The following CCDC141 variants were observed in gnomAD, a reference collection of about 807,000 sequenced individuals.
CCDC141 encodes the protein coiled-coil domain-containing protein 141.
Under a neutral mutation model 181.0 loss-of-function variants are expected in CCDC141, and 168 were observed. The observed-to-expected ratio is 0.93, with a 90% CI of 0.82 to 1.05. CCDC141 has a LOEUF of 1.05. Among genes scored for constraint, CCDC141 ranks in the 50% least tolerant of loss-of-function variants. The pLI, the probability that CCDC141 is intolerant of heterozygous loss-of-function variation, is 0.00. For synonymous variants in CCDC141, 666 were observed against 642.3 expected, an observed-to-expected ratio of 1.04 and a Z score of -0.56; for missense variants, 1,902 against 1,788.5, an observed-to-expected ratio of 1.06 and a Z score of -1.14.
chr2:178,877,937 GTGT>G, intron 12 of CCDC141, 24 bp downstream of exon 12: 1 of 1,581,128 alleles, frequency 6.3e-7, no homozygotes, highest in South Asian at 1.1e-5. Flanking sequence ...CCTGCAGAAG[GTGT>G]GATCCATTTA....
intron 22 of CCDC141, among the ~76,000 whole-genome samples, chr2:178,839,756 C>T (rs956176734): frequency 1.3e-5 from 2 of 152,010 alleles, no homozygotes; most frequent in African/African-American, 4.8e-5. Context: ...AGTCTAAAAC[C>T]CAGATGTTCT....
chr2:178,981,636 G>GTGTATATATATATATATA lies in CCDC141; in HGVS notation c.226-2962_226-2961insTATATATATATATATACA, dbSNP rs1313433628. 3.2e-3 allele frequency among the ~76,000 whole-genome samples: 199 copies of GTGTATATATATATATATA among 62,350 alleles called. 6 individuals are homozygous for GTGTATATATATATATATA. The highest frequency in any genetic ancestry group is 0.019 in the Admixed American group (98 of 5,080). The allele number at this position is 62,350 out of a possible 152,430, so 40.9% of individuals were successfully genotyped here. On this transcript the variant is annotated intron_variant, in intron 2 of 23. Coordinates refer to ENST00000443758, the MANE Select transcript of CCDC141 (RefSeq NM_173648.4). ...TTTGTAGCATTGAATGTGTGTGTGT[G>GTGTATATATATATATATA]TATATATATATATATATATATACAT... is the stretch of plus-strand genomic sequence containing the variant.
At chr2:178,853,207 G>T (rs1466814621) in intron 20 of CCDC141, among the ~76,000 whole-genome samples, 1 of 152,178 alleles carries the variant, frequency 6.6e-6, no homozygotes, top group African/African-American at 2.4e-5. Flanking sequence ...AATAGAGAAG[G>T]AAGGCTTACA....
Position 178,888,635 on chromosome 2 carries a change from C to G in CCDC141, c.1299G>C (p.Gly433=), listed in dbSNP as rs1342442236. 3.2e-6 allele frequency: 5 copies of G among 1,550,722 alleles called. No individual in the cohort carries two copies. The highest frequency in any genetic ancestry group is 4.4e-6 in the Non-Finnish European group (5 of 1,146,842). ...GATGATCCACTCGTCTCTTAATGCA[C>G]CCCATCATCTCATGGATGCCGGACA... ...SQVSGIHEMM[G]CIKRRVDHLT... The change falls in exon 9 of 24, where the codon GGG becomes GGC. Residue 433 remains glycine, a synonymous_variant. Transcript: ENST00000443758.
At chr2:178,943,202 A>G (rs1689591489) in intron 6 of CCDC141, among the ~76,000 whole-genome samples, 1 of 152,190 alleles carries the variant, frequency 6.6e-6, no homozygotes, top group Non-Finnish European at 1.5e-5. Context: ...CTTGAGTTTG[A>G]TACAAACAGA....
chr2:178,965,342 T>C (rs749181205), intron 4 of CCDC141, among the ~76,000 whole-genome samples: 19 of 152,196 alleles, frequency 1.2e-4, no homozygotes, highest in Non-Finnish European at 2.8e-4. Context: ...GCAAGATAGC[T>C]GAATAGGAAC....
At chr2:179,035,888 A>G (rs1428204365) in intron 2 of CCDC141, among the ~76,000 whole-genome samples, 1 of 152,210 alleles carries the variant, frequency 6.6e-6, no homozygotes, top group Admixed American at 6.5e-5. Context: ...GAGACATTTC[A>G]AAGAATTAGT....
At chr2:179,048,868 C>T (rs534307715) in intron 1 of CCDC141, among the ~76,000 whole-genome samples, 2 of 152,312 alleles carry the variant, frequency 1.3e-5, no homozygotes, top group South Asian at 4.1e-4. Context: ...TGAATTTTCA[C>T]ATTACCATAA....
In CCDC141 at chr2:178,884,906, C is replaced by T; in HGVS notation, c.1714G>A (p.Glu572Lys). ...GTTAACACATAGTACCATACCTCCT[C>T]TGATGACTTCAGAAATGCCACGTAA... The part of the protein sequence containing the change: ...QTYVAFLKSS[E>K]EVEMQFQSLK... Residue 572 changes from glutamate (E) to lysine (K), a missense_variant, in exon 11 of 24, where the codon GAG (glutamate) becomes AAG (lysine). By Grantham distance (56) the Glu-to-Lys change is moderately conservative. Transcript: ENST00000443758. The T allele has an allele frequency of 6.5e-7, 1 of 1,550,248 alleles. No homozygotes were observed. Among genetic ancestry groups the T allele is most frequent in the African/African-American group, 1.4e-5 (1 of 73,176 alleles).
intron 2 of CCDC141, among the ~76,000 whole-genome samples, chr2:179,013,949 A>T (rs1358169567): frequency 8.4e-6 from 1 of 119,010 alleles, no homozygotes; most frequent in African/African-American, 3.2e-5. Flanking sequence ...CTACAGAGTG[A>T]GACTCCATCT....
chr2:178,947,190 G>A (rs1307464202), intron 5 of CCDC141, among the ~76,000 whole-genome samples: 1 of 152,170 alleles, frequency 6.6e-6, no homozygotes, highest in Non-Finnish European at 1.5e-5. Context: ...ATTGTGCCCA[G>A]CGAGTAGCTA....
intron 2 of CCDC141, among the ~76,000 whole-genome samples, chr2:179,014,368 T>C (rs1260030171): frequency 6.6e-6 from 1 of 152,112 alleles, no homozygotes; most frequent in East Asian, 1.9e-4. Flanking sequence ...TACGTAAGGA[T>C]TTCATGACCA....
chr2:178,837,631 C>A lies in CCDC141; in HGVS notation c.3588G>T (p.Leu1196=), dbSNP rs376616700. The change falls in exon 23 of 24, where the codon CTG becomes CTT. Residue 1196 remains leucine, a synonymous_variant. Coordinates refer to ENST00000443758, the MANE Select transcript of CCDC141 (RefSeq NM_173648.4). ...DKEGGVQDLL[L]PEDMLSGEEY... ...CTTCCCCTGAGAGCATGTCTTCAGGCAGGAGCAGGTCCTGGACGCCACCCT... is the reference window on the plus strand; with the variant it reads ...CTTCCCCTGAGAGCATGTCTTCAGGAAGGAGCAGGTCCTGGACGCCACCCT... 6.2e-7 allele frequency: 1 copy of A among 1,613,934 alleles called. No homozygotes were observed. The highest frequency in any genetic ancestry group is 8.5e-7 in the Non-Finnish European group (1 of 1,179,968).
chr2:179,005,628 CTTTCT>C (rs879568835), intron 2 of CCDC141, among the ~76,000 whole-genome samples: 123 of 151,992 alleles, frequency 8.1e-4, no homozygotes, highest in Non-Finnish European at 1.3e-3. Context: ...GTGTTTCTTT[CTTTCT>C]TTTCTTTTCT....
chr2:178,900,742 T>G (rs1687646588), intron 8 of CCDC141, among the ~76,000 whole-genome samples: 1 of 152,168 alleles, frequency 6.6e-6, no homozygotes, highest in African/African-American at 2.4e-5. Context: ...CTGTTACTAC[T>G]TTTCTAACTC....
At chr2:178,930,794 C>A (rs1689070604) in intron 6 of CCDC141, among the ~76,000 whole-genome samples, 1 of 152,024 alleles carries the variant, frequency 6.6e-6, no homozygotes, top group African/African-American at 2.4e-5. Flanking sequence ...ACACCATACA[C>A]AAAATTTAAC....
At chr2:178,986,885 A>C (rs1691772933) in intron 2 of CCDC141, among the ~76,000 whole-genome samples, 1 of 151,884 alleles carries the variant, frequency 6.6e-6, no homozygotes, top group Admixed American at 6.6e-5. Context: ...GAAAATGGCC[A>C]TACTGCCCAA....
At chr2:178,839,190 G>A (rs2154366004) in intron 22 of CCDC141, among the ~76,000 whole-genome samples, 1 of 152,210 alleles carries the variant, frequency 6.6e-6, no homozygotes, top group African/African-American at 2.4e-5. Context: ...AAGGTAGGGG[G>A]ATCACAAGGT....
At chr2:178,915,162 C>A (rs1188782068) in intron 7 of CCDC141, among the ~76,000 whole-genome samples, 3 of 151,618 alleles carry the variant, frequency 2.0e-5, no homozygotes, top group Non-Finnish European at 4.4e-5. Flanking sequence ...GACAGTGAGA[C>A]CCTGTCCCCA....
Sources: allele counts gnomAD v4.1 joint callset (sites outside exome capture counted in the v4.1 genomes callset), GRCh38; gene constraint gnomAD v4.1.1; transcripts MANE v1.5; gene names NCBI Gene and HGNC (gene_info 2026-07-23, HGNC 2026-07-21).